The following PRKACB variants were observed in gnomAD, a reference collection of about 807,000 sequenced individuals.
PRKACB encodes cAMP-dependent protein kinase catalytic subunit beta.
Under a neutral mutation model 51.4 loss-of-function variants are expected in PRKACB, and 16 were observed. That is an observed-to-expected ratio of 0.31 (90% CI 0.21 to 0.47). The LOEUF (loss-of-function observed/expected upper bound fraction) is 0.47, where lower values mean the gene tolerates loss of function less well. Ranked by LOEUF, PRKACB falls within the 20% of genes least tolerant of loss-of-function variation. PRKACB has a pLI of 1.00. For synonymous variants in PRKACB, 147 were observed against 154.4 expected (o/e 0.95, Z 0.35); for missense variants, 309 against 464.5 (o/e 0.67, Z 3.08).
chr1:84,161,663 A>G (rs1168233053), intron 1 of PRKACB, among the ~76,000 whole-genome samples: 2 of 151,902 alleles, frequency 1.3e-5, no homozygotes, highest in Non-Finnish European at 2.9e-5. Flanking sequence ...ATTATAATTT[A>G]TCTTATCATA....
intron 1 of PRKACB, among the ~76,000 whole-genome samples, chr1:84,113,965 C>G (rs1650432597): frequency 6.6e-6 from 1 of 152,112 alleles, no homozygotes; most frequent in African/African-American, 2.4e-5. Context: ...ACATTTAAAA[C>G]TGGCGAAATT....
chr1:84,183,089 G>A lies in PRKACB; in HGVS notation c.378+761G>A, dbSNP rs187863416. 2.5e-4 allele frequency among the ~76,000 whole-genome samples: 38 copies of A among 152,004 alleles called. No homozygotes were observed. The East Asian group carries it at 7.1e-3, about 29-fold the overall frequency. ...TAATTTTATATATTAATACCTGGCT[G>A]GTATCTTTAATTACTTTTGTTATTT... is the stretch of plus-strand genomic sequence containing the variant. On this transcript the variant is annotated intron_variant, in intron 3 of 9. Coordinates refer to ENST00000370685, the MANE Select transcript of PRKACB (RefSeq NM_182948.4).
chr1:84,149,329 G>A (rs935800691), intron 1 of PRKACB, among the ~76,000 whole-genome samples: 2 of 151,450 alleles, frequency 1.3e-5, no homozygotes, highest in Non-Finnish European at 2.9e-5. Flanking sequence ...GTGGGATTTC[G>A]ACTCGCTGCA....
At chr1:84,118,898 A>G (rs1044309249) in intron 1 of PRKACB, among the ~76,000 whole-genome samples, 13 of 152,162 alleles carry the variant, frequency 8.5e-5, no homozygotes, top group African/African-American at 3.1e-4. Context: ...AGGATAATCT[A>G]AGAAATACTC....
At position 84,222,505 on chromosome 1, in the gene PRKACB, C is replaced by T. The variant is rs117463543; in HGVS notation, c.1071+8188C>T. Among the ~76,000 whole-genome samples the T allele has an allele frequency of 3.4e-3, 510 of 152,192 alleles. 5 individuals carry two copies. In the East Asian group the frequency reaches 0.038, roughly 11 times the overall value. On this transcript the variant is annotated intron_variant, in intron 9 of 9. Coordinates refer to ENST00000370685, the MANE Select transcript of PRKACB (RefSeq NM_182948.4). Reference sequence around the variant, plus strand: ...TTGTATATCCTTCATTCCTTTCTTTCTCTCTAATTGTTTATCATTATAGTT... The same window carrying T: ...TTGTATATCCTTCATTCCTTTCTTTTTCTCTAATTGTTTATCATTATAGTT...
chr1:84,105,341 C>T (rs570134458), intron 1 of PRKACB, among the ~76,000 whole-genome samples: 1 of 152,190 alleles, frequency 6.6e-6, no homozygotes, highest in South Asian at 2.1e-4. Context: ...TTTCCTCTTT[C>T]ATGGAAAAGT....
At chr1:84,159,001 T>G (rs1655856101) in intron 1 of PRKACB, among the ~76,000 whole-genome samples, 1 of 152,200 alleles carries the variant, frequency 6.6e-6, no homozygotes, top group African/African-American at 2.4e-5. Flanking sequence ...TACATGTCTG[T>G]CCTCATTCCT....
intron 1 of PRKACB, among the ~76,000 whole-genome samples, chr1:84,082,352 A>G (rs1395256895): frequency 6.6e-6 from 1 of 152,170 alleles, no homozygotes; most frequent in South Asian, 2.1e-4. Context: ...GTATATTAAA[A>G]TCTTAAGTGA....
chr1:84,078,207 C>T (rs1359697127), exon 1 of PRKACB: 12 of 1,193,136 alleles, frequency 1.0e-5, no homozygotes, highest in African/African-American at 7.9e-5. Flanking sequence ...GGCGCCAGCG[C>T]TAGGCGCACT....
chr1:84,093,149 G>A (rs571450644), intron 1 of PRKACB, among the ~76,000 whole-genome samples: 21 of 151,618 alleles, frequency 1.4e-4, no homozygotes, highest in African/African-American at 3.1e-4. Context: ...GGCCTTCCTC[G>A]GTCTTCTTTA....
In PRKACB at chr1:84,199,036, C is replaced by T. The variant is rs550675668; in HGVS notation, c.783+1212C>T. 1.2e-3 allele frequency among the ~76,000 whole-genome samples: 168 copies of T among 141,212 alleles called. 1 individual carries two copies. The highest frequency in any genetic ancestry group is 3.9e-3 in the African/African-American group (152 of 38,580). 92.6% of individuals were successfully genotyped at this position (141,212 alleles called of 152,430 possible). A position where few individuals can be genotyped will look rare whatever the true frequency, so the allele number is the denominator to read the frequency against. On this transcript the variant is annotated intron_variant, in intron 7 of 9. Transcript: ENST00000370685. ...ATATGCGTATATATACACATATATA[C>T]GCATATGTATGCATATATATATGCG...
chr1:84,231,357 A>T (rs1323716568), intron 9 of PRKACB, among the ~76,000 whole-genome samples: 2 of 152,186 alleles, frequency 1.3e-5, no homozygotes, highest in Non-Finnish European at 2.9e-5. Flanking sequence ...ATCAATGTTC[A>T]TCAAGGATAT....
chr1:84,216,938 C>T (rs953848896), intron 9 of PRKACB, among the ~76,000 whole-genome samples: 1 of 152,160 alleles, frequency 6.6e-6, no homozygotes, highest in Admixed American at 6.5e-5. Flanking sequence ...TTACGTGTAT[C>T]ATCTTCTTAA....
chr1:84,174,719 A>G (rs1252378146), intron 1 of PRKACB, among the ~76,000 whole-genome samples: 1 of 151,964 alleles, frequency 6.6e-6, no homozygotes, highest in African/African-American at 2.4e-5. Context: ...CAATAGTTAC[A>G]GGATATGTAT....
At chr1:84,184,242 A>G (rs1664441925) in intron 4 of PRKACB, 107 bp downstream of exon 4, 6 of 925,886 alleles carry the variant, frequency 6.5e-6, no homozygotes, top group Non-Finnish European at 9.4e-6. Flanking sequence ...AATATGAATA[A>G]ACAAAACGAA....
At chr1:84,122,395 G>A (rs1651157751) in intron 1 of PRKACB, among the ~76,000 whole-genome samples, 1 of 152,076 alleles carries the variant, frequency 6.6e-6, no homozygotes, top group Non-Finnish European at 1.5e-5. Context: ...TTTCTCAGTT[G>A]AGGGTTTATG....
intron 5 of PRKACB, among the ~76,000 whole-genome samples, chr1:84,194,759 C>CCACA (rs991273263): frequency 1.3e-5 from 2 of 151,366 alleles, no homozygotes; most frequent in Admixed American, 1.3e-4. Flanking sequence ...ACCAAACCCT[C>CCACA]CACACACACA....
intron 1 of PRKACB, among the ~76,000 whole-genome samples, chr1:84,113,679 A>G (rs1212275641): frequency 6.6e-6 from 1 of 152,236 alleles, no homozygotes; most frequent in Non-Finnish European, 1.5e-5. Context: ...AAAAAGAACA[A>G]GGAATCAATA....
At chr1:84,189,905 A>C (rs1056310712) in intron 5 of PRKACB, among the ~76,000 whole-genome samples, 1 of 151,954 alleles carries the variant, frequency 6.6e-6, no homozygotes, top group Non-Finnish European at 1.5e-5. Flanking sequence ...ACCAATCATT[A>C]ATTTTTAGAA....
Sources: gnomAD v4.1 joint callset for allele counts (sites outside exome capture counted in the v4.1 genomes callset) on GRCh38, gnomAD v4.1.1 for gene constraint, MANE v1.5 for transcripts, NCBI Gene and HGNC (gene_info 2026-07-23, HGNC 2026-07-21) for gene names.